Variants in CXCL13 observed in about 807,000 individuals in gnomAD.
CXCL13 encodes C-X-C motif chemokine 13.
A neutral mutation model predicts 12.2 loss-of-function variants in CXCL13; 7 were observed. The ratio of observed to expected loss-of-function variants is 0.57; its 90% CI spans 0.33 to 1.07. CXCL13 has a LOEUF of 1.07. Ranked by LOEUF, CXCL13 falls within the 50% of genes least tolerant of loss-of-function variation. The probability of loss-of-function intolerance (pLI) is 0.04; values close to 1 mark genes in which losing one functional copy is unlikely to be tolerated. For missense variants in CXCL13, 113 were observed against 127.4 expected (o/e 0.89, Z 0.55); for synonymous variants, 47 against 42.4 (o/e 1.11, Z -0.42).
chr4:77,540,080 AT>A, intron 1 of CXCL13, among the ~76,000 whole-genome samples: 1 of 152,208 alleles, frequency 6.6e-6, no homozygotes, highest in African/African-American at 2.4e-5. Flanking sequence ...TAGACACGAT[AT>A]TTTTTATGTT....
intron 1 of CXCL13, among the ~76,000 whole-genome samples, chr4:77,517,680 TTA>T (rs1420619888): frequency 1.3e-5 from 2 of 152,192 alleles, no homozygotes; most frequent in Non-Finnish European, 2.9e-5. Context: ...CTCCATCCCT[TTA>T]TTTTGAGCCT....
intron 1 of CXCL13, among the ~76,000 whole-genome samples, chr4:77,512,139 T>G (rs1049892001): frequency 6.6e-6 from 1 of 152,190 alleles, no homozygotes; most frequent in Admixed American, 6.5e-5. Flanking sequence ...GATTTTTACT[T>G]CCATATTATT....
At chr4:77,527,909 C>G (rs1724807636) in intron 1 of CXCL13, among the ~76,000 whole-genome samples, 1 of 152,038 alleles carries the variant, frequency 6.6e-6, no homozygotes, top group Non-Finnish European at 1.5e-5. Flanking sequence ...AGGTATATCT[C>G]CTAATGCTAT....
chr4:77,532,994 G>A (rs1019332656), intron 1 of CXCL13, among the ~76,000 whole-genome samples: 4 of 152,050 alleles, frequency 2.6e-5, no homozygotes, highest in African/African-American at 9.7e-5. Flanking sequence ...TCCTCCTTTA[G>A]CTCAGAGTAG....
chr4:77,595,289 G>A (rs1423425675), intron 1 of CXCL13, among the ~76,000 whole-genome samples: 1 of 152,144 alleles, frequency 6.6e-6, no homozygotes, highest in Non-Finnish European at 1.5e-5. Flanking sequence ...GAGACACCTT[G>A]AGTAAAAGTA....
intron 1 of CXCL13, among the ~76,000 whole-genome samples, chr4:77,573,906 CT>C (rs1302517849): frequency 1.3e-5 from 2 of 151,888 alleles, no homozygotes; most frequent in Non-Finnish European, 2.9e-5. Flanking sequence ...GATTCTAGGT[CT>C]TGTGAAAACC....
chr4:77,611,060 A>T lies in CXCL13; in HGVS notation c.*21A>T. On this transcript the variant is annotated 3_prime_UTR_variant, in exon 4 of 4. Coordinates refer to ENST00000682537, the MANE Select transcript of CXCL13 (RefSeq NM_001371558.1). ...CCTGATGCTGATATTTCCACTAAGA[A>T]CACCTGCATTCTTCCCTTATCCCTG... 6.3e-7 allele frequency: 1 copy of T among 1,592,100 alleles called. No homozygotes were observed. Among genetic ancestry groups the T allele is most frequent in the African/African-American group, 1.3e-5 (1 of 74,668 alleles).
At chr4:77,599,741 G>T (rs1364662431) in intron 1 of CXCL13, among the ~76,000 whole-genome samples, 1 of 152,210 alleles carries the variant, frequency 6.6e-6, no homozygotes, top group Non-Finnish European at 1.5e-5. Flanking sequence ...GGAAGCCTTT[G>T]CAGCACAGCA....
intron 1 of CXCL13, among the ~76,000 whole-genome samples, chr4:77,600,099 A>T (rs1017188089): frequency 6.6e-6 from 1 of 151,984 alleles, no homozygotes; most frequent in Non-Finnish European, 1.5e-5. Flanking sequence ...TTTTGAGGAC[A>T]CTAAGTTCAG....
chr4:77,604,668 G>A (rs1054383346), upstream of CXCL13, among the ~76,000 whole-genome samples: 16 of 152,166 alleles, frequency 1.1e-4, no homozygotes, highest in Non-Finnish European at 2.2e-4. Context: ...CCCTGTCACT[G>A]CGTTCAGGCT....
chr4:77,571,725 C>T (rs963567864), intron 1 of CXCL13, among the ~76,000 whole-genome samples: 2 of 151,734 alleles, frequency 1.3e-5, no homozygotes, highest in Non-Finnish European at 2.9e-5. Context: ...GCTGCCGGAG[C>T]CAGCAGTGGC....
chr4:77,526,967 G>C (rs1724782466), intron 1 of CXCL13, among the ~76,000 whole-genome samples: 1 of 152,176 alleles, frequency 6.6e-6, no homozygotes, highest in African/African-American at 2.4e-5. Flanking sequence ...GCTGGAACAT[G>C]GTAGGCAATT....
At chr4:77,567,226 C>G (rs1222269150) in intron 1 of CXCL13, among the ~76,000 whole-genome samples, 1 of 152,176 alleles carries the variant, frequency 6.6e-6, no homozygotes, top group Non-Finnish European at 1.5e-5. Context: ...ACCGCCTATC[C>G]CAAACCTATA....
At chr4:77,582,732 T>C (rs1318067183) in intron 1 of CXCL13, among the ~76,000 whole-genome samples, 1 of 152,138 alleles carries the variant, frequency 6.6e-6, no homozygotes, top group Non-Finnish European at 1.5e-5. Flanking sequence ...ACATATTTTT[T>C]AAAAATGCTT....
chr4:77,572,187 G>T (rs1726102207), intron 1 of CXCL13, among the ~76,000 whole-genome samples: 1 of 151,890 alleles, frequency 6.6e-6, no homozygotes, highest in Admixed American at 6.5e-5. Flanking sequence ...GATCACCTGA[G>T]GTCAGGAGTT....
chr4:77,594,596 G>GTC (rs1433694115), intron 1 of CXCL13, among the ~76,000 whole-genome samples: 1 of 150,402 alleles, frequency 6.6e-6, no homozygotes, highest in African/African-American at 2.5e-5. Context: ...CTGTTGACAG[G>GTC]CAGCTGGGCA....
intron 1 of CXCL13, among the ~76,000 whole-genome samples, chr4:77,524,130 T>C (rs1724698438): frequency 6.6e-6 from 1 of 152,168 alleles, no homozygotes; most frequent in Non-Finnish European, 1.5e-5. Context: ...CCTGCCTATA[T>C]GAGGTGTCAG....
At chr4:77,541,309 T>C (rs1005984397) in intron 1 of CXCL13, among the ~76,000 whole-genome samples, 10 of 152,192 alleles carry the variant, frequency 6.6e-5, no homozygotes, top group South Asian at 4.1e-4. Flanking sequence ...TTGGAGGACT[T>C]AGTCATAAGT....
At chr4:77,581,232 G>A (rs1726327541) in intron 1 of CXCL13, among the ~76,000 whole-genome samples, 1 of 152,094 alleles carries the variant, frequency 6.6e-6, no homozygotes, top group Non-Finnish European at 1.5e-5. Context: ...CTTTAAATGG[G>A]TGAATTGTAT....
Sources: gnomAD v4.1 joint callset for allele counts (sites outside exome capture counted in the v4.1 genomes callset) on GRCh38, gnomAD v4.1.1 for gene constraint, MANE v1.5 for transcripts, NCBI Gene and HGNC (gene_info 2026-07-23, HGNC 2026-07-21) for gene names.